The following HDAC9 variants were observed in gnomAD, a reference collection of about 807,000 sequenced individuals.
HDAC9 encodes histone deacetylase 9.
HDAC9 carries 41 observed loss-of-function variants against 139.4 expected under a neutral mutation model. The observed-to-expected ratio is 0.29, with a 90% CI of 0.23 to 0.38. HDAC9 has a LOEUF of 0.38. Among genes scored for constraint, HDAC9 ranks in the 10% least tolerant of loss-of-function variants. The pLI is 1.00. For synonymous variants in HDAC9, 517 were observed against 476.2 expected (o/e 1.09, Z -1.12); for missense variants, 1,147 against 1,297.0 (o/e 0.88, Z 1.78).
chr7:18,476,017 A>T (rs746532312), intron 1 of HDAC9, among the ~76,000 whole-genome samples: 1 of 152,190 alleles, frequency 6.6e-6, no homozygotes, highest in Non-Finnish European at 1.5e-5. Flanking sequence ...CTATGTGTTT[A>T]TAAGGCAGAC....
chr7:18,786,589 C>G (rs142067742), intron 16 of HDAC9, among the ~76,000 whole-genome samples: 12,575 of 83,208 alleles, frequency 0.15, 1,321 homozygotes, highest in African/African-American at 0.25. Context: ...TGGCTGGCTT[C>G]CTTCCTTCCT....
intron 2 of HDAC9, among the ~76,000 whole-genome samples, chr7:18,556,299 A>G (rs921785933): frequency 3.3e-5 from 5 of 152,084 alleles, no homozygotes; most frequent in African/African-American, 1.2e-4. Flanking sequence ...TCATTTTAGC[A>G]TAAAGGTGAG....
intron 1 of HDAC9, among the ~76,000 whole-genome samples, chr7:18,366,203 C>T (rs1369176902): frequency 6.6e-6 from 1 of 152,062 alleles, no homozygotes; most frequent in Non-Finnish European, 1.5e-5. Flanking sequence ...GTGATGATAA[C>T]TGCAGAACTG....
chr7:18,657,909 T>C (rs1791758053), intron 11 of HDAC9, among the ~76,000 whole-genome samples: 1 of 152,056 alleles, frequency 6.6e-6, no homozygotes, highest in South Asian at 2.1e-4. Flanking sequence ...CTTCATCATC[T>C]CCTCCCTTCC....
At chr7:18,342,933 ATAGT>A (rs1782126315) in intron 1 of HDAC9, among the ~76,000 whole-genome samples, 1 of 151,878 alleles carries the variant, frequency 6.6e-6, no homozygotes, top group African/African-American at 2.4e-5. Flanking sequence ...AACTGTGAAT[ATAGT>A]TAGTTGGGTA....
chr7:18,756,079 G>A (rs908827194), intron 14 of HDAC9, among the ~76,000 whole-genome samples: 1 of 152,088 alleles, frequency 6.6e-6, no homozygotes, highest in Non-Finnish European at 1.5e-5. Flanking sequence ...ACATCTGGGT[G>A]CCCAAATTGC....
chr7:18,133,754 T>C (rs1785185858), intron 1 of HDAC9, among the ~76,000 whole-genome samples: 1 of 152,082 alleles, frequency 6.6e-6, no homozygotes, highest in African/African-American at 2.4e-5. Context: ...GAAAGCAACA[T>C]GTTTCTGTAA....
chr7:18,370,674 C>G (rs1442402933), intron 1 of HDAC9, among the ~76,000 whole-genome samples: 1 of 152,130 alleles, frequency 6.6e-6, no homozygotes, highest in Admixed American at 6.6e-5. Flanking sequence ...TTTTATCTAG[C>G]CCTTGCTAGC....
chr7:18,447,876 C>T (rs1792441542), intron 1 of HDAC9, among the ~76,000 whole-genome samples: 1 of 152,188 alleles, frequency 6.6e-6, no homozygotes, highest in Admixed American at 6.5e-5. Context: ...ATAGAGGACC[C>T]TGTCACCCAC....
intron 2 of HDAC9, among the ~76,000 whole-genome samples, chr7:18,189,620 A>G (rs913425084): frequency 2.0e-5 from 3 of 152,154 alleles, no homozygotes; most frequent in African/African-American, 7.2e-5. Context: ...TTCCTCCCAA[A>G]GACCCAGAAC....
At chr7:18,924,885 A>T (rs950870958) in intron 22 of HDAC9, among the ~76,000 whole-genome samples, 1 of 152,188 alleles carries the variant, frequency 6.6e-6, no homozygotes, top group Non-Finnish European at 1.5e-5. Flanking sequence ...ATGGTCAATT[A>T]TAAGTGTTGC....
intron 1 of HDAC9, among the ~76,000 whole-genome samples, chr7:18,337,550 G>A (rs1310259764): frequency 6.6e-6 from 1 of 151,698 alleles, no homozygotes; most frequent in Non-Finnish European, 1.5e-5. Context: ...ATAATAATGT[G>A]CATTTTTAGT....
rs143822110 is a variant in HDAC9 at position 18,733,067 on chromosome 7, A to C, written c.1909+5310A>C. ...TACATATATACATGTGTATATACGT[A>C]TATACACATGTATACACATATATAC... On this transcript the variant is annotated intron_variant, in intron 13 of 25. Transcript: ENST00000686413. Among the ~76,000 whole-genome samples, 70 of 145,768 alleles carry C rather than the reference A, an allele frequency of 4.8e-4. 2 individuals carry two copies. The East Asian group carries it at 0.013, about 26-fold the overall frequency.
rs1782894893 is a variant in HDAC9, at chr7:18,102,137, A to G, written c.-97+14924A>G. Among the ~76,000 whole-genome samples, 4 of 152,230 alleles carry G rather than the reference A, an allele frequency of 2.6e-5. 1 individual carries two copies. The South Asian group carries it at 6.2e-4, about 24-fold the overall frequency. ...TACTACTGTGAACTAATATGAGAATAAAGTGTCAAAATTCAGGAGCACATC... is the reference window on the plus strand; with the variant it reads ...TACTACTGTGAACTAATATGAGAATGAAGTGTCAAAATTCAGGAGCACATC... On this transcript the variant is annotated intron_variant, in intron 1 of 12. Transcript: ENST00000417496.
At chr7:18,572,029 C>G (rs1380386575) in intron 2 of HDAC9, among the ~76,000 whole-genome samples, 3 of 151,044 alleles carry the variant, frequency 2.0e-5, no homozygotes, top group Non-Finnish European at 4.4e-5. Flanking sequence ...GCAAGAATTC[C>G]TGATAGAAGA....
At chr7:18,732,465 T>A (rs572353801) in intron 13 of HDAC9, among the ~76,000 whole-genome samples, 969 of 79,470 alleles carry the variant, frequency 0.012, 14 homozygotes, top group African/African-American at 0.057. Context: ...TATATTTGTA[T>A]GTGTGTATAT....
intron 1 of HDAC9, among the ~76,000 whole-genome samples, chr7:18,311,539 C>T (rs1247188141): frequency 1.3e-5 from 2 of 151,998 alleles, no homozygotes; most frequent in Admixed American, 6.6e-5. Flanking sequence ...TTATATTTTA[C>T]AGATGAGGAA....
intron 2 of HDAC9, among the ~76,000 whole-genome samples, chr7:18,559,114 C>A (rs998087149): frequency 6.6e-6 from 1 of 152,172 alleles, no homozygotes; most frequent in African/African-American, 2.4e-5. Flanking sequence ...AAGCATCCCC[C>A]GACTGACAAG....
At chr7:18,442,452 A>G (rs2128094034) in intron 1 of HDAC9, among the ~76,000 whole-genome samples, 1 of 152,146 alleles carries the variant, frequency 6.6e-6, no homozygotes, top group Non-Finnish European at 1.5e-5. Flanking sequence ...TGAGACTTCC[A>G]CTCCATGCTA....
Sources: gnomAD v4.1 joint callset for allele counts (sites outside exome capture counted in the v4.1 genomes callset) on GRCh38, gnomAD v4.1.1 for gene constraint, MANE v1.5 for transcripts, NCBI Gene and HGNC (gene_info 2026-07-23, HGNC 2026-07-21) for gene names.